The following GIPC2 variants were observed in gnomAD, a reference collection of about 807,000 sequenced individuals.
GIPC2 encodes the protein PDZ domain-containing protein GIPC2.
Under a neutral mutation model 30.6 loss-of-function variants are expected in GIPC2, and 30 were observed. That is an observed-to-expected ratio of 0.98 (90% CI 0.73 to 1.33). The LOEUF is 1.33. GIPC2 is among the 40% of genes most tolerant of loss of function. GIPC2 has a pLI of 0.00. For missense variants in GIPC2, 414 were observed against 390.3 expected (o/e 1.06, Z -0.51); for synonymous variants, 167 against 150.0 (o/e 1.11, Z -0.83).
chr1:78,058,319 A>G (rs1014020241), intron 1 of GIPC2, among the ~76,000 whole-genome samples: 3 of 152,152 alleles, frequency 2.0e-5, no homozygotes, highest in African/African-American at 4.8e-5. Flanking sequence ...CATAGTAGGT[A>G]TTTTTTAAAT....
At chr1:78,068,559 A>G (rs1395607118) in intron 1 of GIPC2, among the ~76,000 whole-genome samples, 2 of 152,226 alleles carry the variant, frequency 1.3e-5, no homozygotes, top group Non-Finnish European at 2.9e-5. Flanking sequence ...ACCAACCCAG[A>G]TGCTTCAGAG....
chr1:78,121,321 G>T (rs897087857), intron 4 of GIPC2, among the ~76,000 whole-genome samples: 1 of 152,160 alleles, frequency 6.6e-6, no homozygotes, highest in Non-Finnish European at 1.5e-5. Context: ...GTGAGCTCGG[G>T]GGGGCAGGGG....
intron 3 of GIPC2, 46 bp from the exon 4 acceptor site, chr1:78,119,347 G>A (rs758750170): frequency 3.0e-6 from 3 of 1,004,280 alleles, no homozygotes; most frequent in East Asian, 4.8e-5. Flanking sequence ...AATCTGTTGG[G>A]ATGCTTTCTG....
At chr1:78,072,143 A>T (rs566073278) in intron 1 of GIPC2, among the ~76,000 whole-genome samples, 1 of 152,258 alleles carries the variant, frequency 6.6e-6, no homozygotes, top group Non-Finnish European at 1.5e-5. Flanking sequence ...ATTATGATAC[A>T]TCTCACATAA....
chr1:78,127,619 A>T (rs928800982), intron 5 of GIPC2, among the ~76,000 whole-genome samples: 1 of 152,204 alleles, frequency 6.6e-6, no homozygotes, highest in African/African-American at 2.4e-5. Context: ...AGCTCAGTCC[A>T]AACCAATCAC....
At chr1:78,125,816 G>A in intron 4 of GIPC2, 65 bp from the exon 5 acceptor site, 1 of 856,902 alleles carries the variant, frequency 1.2e-6, no homozygotes, top group Non-Finnish European at 2.0e-6. Context: ...GCTTTCTCTT[G>A]TGTATGCCCT....
chr1:78,127,824 G>A (rs990231032), intron 5 of GIPC2, among the ~76,000 whole-genome samples: 3 of 152,064 alleles, frequency 2.0e-5, no homozygotes, highest in Non-Finnish European at 4.4e-5. Flanking sequence ...CACGTAGCTA[G>A]GACCACAGGT....
At chr1:78,115,962 G>C (rs1662559945) in intron 3 of GIPC2, among the ~76,000 whole-genome samples, 1 of 152,174 alleles carries the variant, frequency 6.6e-6, no homozygotes, top group African/African-American at 2.4e-5. Flanking sequence ...CTGAAGATGG[G>C]AATTATCCTG....
intron 1 of GIPC2, among the ~76,000 whole-genome samples, chr1:78,078,625 T>C (rs917830450): frequency 6.6e-6 from 1 of 152,156 alleles, no homozygotes; most frequent in African/African-American, 2.4e-5. Flanking sequence ...TGCTTTGTAG[T>C]GAAGCATGCG....
intron 5 of GIPC2, among the ~76,000 whole-genome samples, chr1:78,130,827 T>C (rs1248811114): frequency 6.6e-6 from 1 of 152,208 alleles, no homozygotes; most frequent in African/African-American, 2.4e-5. Context: ...ATATCTTATA[T>C]TTAAAAGTTC....
chr1:78,086,253 T>C (rs1274516846), intron 2 of GIPC2, among the ~76,000 whole-genome samples: 1 of 152,162 alleles, frequency 6.6e-6, no homozygotes, highest in Non-Finnish European at 1.5e-5. Context: ...TTTCTTGACT[T>C]CTATTTTTAT....
At chr1:78,101,996 C>G (rs989761787) in intron 3 of GIPC2, among the ~76,000 whole-genome samples, 6 of 152,186 alleles carry the variant, frequency 3.9e-5, no homozygotes, top group African/African-American at 1.4e-4. Context: ...TTAAATGAGT[C>G]TCGACTTCAT....
At chr1:78,091,656 T>A in intron 2 of GIPC2, 1 of 772,538 alleles carries the variant, frequency 1.3e-6, no homozygotes. Context: ...ATATGGCATA[T>A]GGATCTTATT....
At chr1:78,048,463 GT>G (rs1244450454) in intron 1 of GIPC2, among the ~76,000 whole-genome samples, 1 of 150,518 alleles carries the variant, frequency 6.6e-6, no homozygotes, top group Non-Finnish European at 1.5e-5. Flanking sequence ...GTCTCACTCT[GT>G]TGCCCAGGCT....
At chr1:78,105,294 T>A (rs1347456907) in intron 3 of GIPC2, among the ~76,000 whole-genome samples, 1 of 151,452 alleles carries the variant, frequency 6.6e-6, no homozygotes, top group East Asian at 1.9e-4. Context: ...TGTAATTTTT[T>A]TTTTTTTTTT....
intron 1 of GIPC2, among the ~76,000 whole-genome samples, chr1:78,070,191 G>C (rs1661591091): frequency 6.6e-6 from 1 of 152,072 alleles, no homozygotes; most frequent in African/African-American, 2.4e-5. Flanking sequence ...TGTATATTTG[G>C]TAATTTGGAA....
At chr1:78,094,624 G>T (rs1662102805) in intron 2 of GIPC2, among the ~76,000 whole-genome samples, 1 of 152,186 alleles carries the variant, frequency 6.6e-6, no homozygotes, top group African/African-American at 2.4e-5. Flanking sequence ...CCCAGAGGAG[G>T]TGGTGTATGA....
intron 3 of GIPC2, among the ~76,000 whole-genome samples, chr1:78,104,177 G>A (rs553179520): frequency 2.0e-5 from 3 of 151,148 alleles, no homozygotes; most frequent in Admixed American, 6.6e-5. Context: ...GTGTGTAGAG[G>A]GGGGAGAGGG....
rs958317836 is a variant in GIPC2, at chr1:78,087,975, G to A, written c.427-6977G>A. Among the ~76,000 whole-genome samples the A allele has an allele frequency of 1.9e-4, 29 of 152,174 alleles. 1 individual carries two copies. The South Asian group carries it at 2.5e-3, about 13-fold the overall frequency. On this transcript the variant is annotated intron_variant, in intron 2 of 5. Transcript: ENST00000370759. ...ACACTTTTCAAAAGCAGACACACAT[G>A]TGGCCAACAATAATATTAAAAAAAA...
Sources: gnomAD v4.1 joint callset for allele counts (sites outside exome capture counted in the v4.1 genomes callset) on GRCh38, gnomAD v4.1.1 for gene constraint, MANE v1.5 for transcripts, NCBI Gene and HGNC (gene_info 2026-07-23, HGNC 2026-07-21) for gene names.